MROH2B: variants seen among roughly 807,000 people sequenced by gnomAD.
The protein encoded by MROH2B is maestro heat-like repeat-containing protein family member 2B.
Under a neutral mutation model 208.6 loss-of-function variants are expected in MROH2B, and 177 were observed. The observed-to-expected ratio is 0.85, with a 90% CI of 0.75 to 0.96. MROH2B has a LOEUF of 0.96. Ranked by LOEUF, MROH2B falls within the 40% of genes least tolerant of loss-of-function variation. The probability of loss-of-function intolerance (pLI) is 0.00; values close to 1 mark genes in which losing one functional copy is unlikely to be tolerated. For synonymous variants in MROH2B, 728 were observed against 659.0 expected (o/e 1.10, Z -1.60); for missense variants, 2,002 against 1,878.7 (o/e 1.07, Z -1.21).
intron 37 of MROH2B, among the ~76,000 whole-genome samples, chr5:41,004,009 A>T (rs987608768): frequency 1.3e-5 from 2 of 152,220 alleles, no homozygotes; most frequent in African/African-American, 4.8e-5. Context: ...GATCTCTGTA[A>T]CAGCCAATCA....
At chr5:41,069,153 A>G (rs1743901594) in intron 2 of MROH2B, among the ~76,000 whole-genome samples, 1 of 152,194 alleles carries the variant, frequency 6.6e-6, no homozygotes, top group Non-Finnish European at 1.5e-5. Flanking sequence ...TAACTACCTG[A>G]TAAAATTGTT....
Position 41,017,907 on chromosome 5 carries a change from G to A in MROH2B, c.2827C>T (p.Leu943=). The A allele has an allele frequency of 6.3e-7, 1 of 1,587,620 alleles. No homozygotes were observed. Among genetic ancestry groups the A allele is most frequent in the Non-Finnish European group, 8.6e-7 (1 of 1,166,194 alleles). Residue 943 remains leucine, a synonymous_variant, in exon 28 of 42, where the codon CTG becomes TTG. Coordinates refer to ENST00000399564, the MANE Select transcript of MROH2B (RefSeq NM_173489.5). ...GCAGCCGCCTGACGGATGGTGGGCA[G>A]GGTATCACAGGAGTGAGGAGCCAGA... The part of the protein sequence containing the change: ...GLLAPHSCDT[L]PTIRQAAASS...
At chr5:41,015,321 T>G (rs1579912144) in intron 29 of MROH2B, 60 bp downstream of exon 29, 1 of 1,436,128 alleles carries the variant, frequency 7.0e-7, no homozygotes, top group East Asian at 2.3e-5. Flanking sequence ...AGTATGTAGC[T>G]TACTCATTTG....
At chr5:41,000,181 T>A in intron 39 of MROH2B, 39 bp downstream of exon 39, 1 of 1,611,986 alleles carries the variant, frequency 6.2e-7, no homozygotes, top group Non-Finnish European at 8.5e-7. Context: ...TAGACCCTTG[T>A]CCTGCCTTTT....
At chr5:40,998,761 G>T (rs915495596) in intron 40 of MROH2B, 84 bp from the exon 41 acceptor site, 33 of 1,099,542 alleles carry the variant, frequency 3.0e-5, no homozygotes, top group Non-Finnish European at 4.4e-5. Context: ...CTCTGCACCT[G>T]GTGAGAAGGT....
Position 41,042,102 on chromosome 5 carries a change from TC to T in MROH2B, c.1942del (p.Asp648IlefsTer6). On this transcript the variant is annotated frameshift_variant, in exon 19 of 42. Coordinates refer to ENST00000399564, the MANE Select transcript of MROH2B (RefSeq NM_173489.5). LOFTEE classifies it high-confidence loss of function. ...AGCAAGGGGTCCCACCTGTCTTTGA[TC>T]CCCCAGTTGGTTGGGAGCAGTCAGA... ...EFLTAPNQLG[D>X]QRQGITSILG... The T allele has an allele frequency of 6.3e-7, 1 of 1,582,220 alleles. No individual in the cohort carries two copies. The highest frequency in any genetic ancestry group is 1.3e-5 in the African/African-American group (1 of 74,406).
At chr5:41,036,164 T>C (rs1042213223) in intron 21 of MROH2B, among the ~76,000 whole-genome samples, 1 of 151,906 alleles carries the variant, frequency 6.6e-6, no homozygotes, top group Non-Finnish European at 1.5e-5. Context: ...CCCACATTTA[T>C]ACATAGATAT....
At chr5:41,054,199 C>T (rs544865974) in intron 11 of MROH2B, among the ~76,000 whole-genome samples, 5 of 152,120 alleles carry the variant, frequency 3.3e-5, no homozygotes, top group Admixed American at 1.3e-4. Flanking sequence ...AGGCTGGTCT[C>T]GAAATCCTGA....
intron 37 of MROH2B, among the ~76,000 whole-genome samples, chr5:41,001,142 A>T (rs1013956346): frequency 6.6e-6 from 1 of 152,164 alleles, no homozygotes; most frequent in Non-Finnish European, 1.5e-5. Context: ...ACACAGGGGT[A>T]CTCATAGAGA....
intron 21 of MROH2B, 95 bp from the exon 22 acceptor site, chr5:41,033,959 C>A: frequency 1.3e-6 from 2 of 1,521,554 alleles, no homozygotes; most frequent in African/African-American, 1.4e-5. Context: ...ACCTGAAGGA[C>A]AATAGTAAAG....
chr5:41,027,558 T>C (rs1246752365), intron 24 of MROH2B, among the ~76,000 whole-genome samples: 1 of 152,104 alleles, frequency 6.6e-6, no homozygotes, highest in Non-Finnish European at 1.5e-5. Context: ...GGAGAGGATG[T>C]GGAGAAATAG....
intron 37 of MROH2B, among the ~76,000 whole-genome samples, chr5:41,002,427 C>G (rs1008527546): frequency 2.6e-5 from 4 of 152,168 alleles, no homozygotes; most frequent in African/African-American, 9.7e-5. Flanking sequence ...GCCACATTTT[C>G]TGTTCTACCA....
chr5:41,018,770 G>C lies in MROH2B; in HGVS notation c.2594C>G (p.Ser865Cys), dbSNP rs1742043863. 1 of 1,613,850 alleles carries C rather than the reference G, an allele frequency of 6.2e-7. No homozygotes were observed. The highest frequency in any genetic ancestry group is 8.5e-7 in the Non-Finnish European group (1 of 1,179,838). ...CAGAAGTTTTCCTAGGGCGTCCATG[G>C]ATCGTTCATAGAGAAACTGAAATCA... The part of the protein sequence containing the change: ...KEHIQFLYER[S>C]MDALGKLLKT... Residue 865 changes from serine to cysteine, a missense_variant, in exon 26 of 42, where the codon TCC becomes TGC. Transcript: ENST00000399564.
chr5:41,019,796 G>A (rs934959920), intron 24 of MROH2B, among the ~76,000 whole-genome samples: 2 of 152,120 alleles, frequency 1.3e-5, no homozygotes, highest in African/African-American at 4.8e-5. Flanking sequence ...TAGTCTTCTT[G>A]TCTTTATTGT....
At chr5:41,005,412 A>ACC (rs1554046592) in intron 35 of MROH2B, 119 bp downstream of exon 35, 230 of 191,666 alleles carry the variant, frequency 1.2e-3, no homozygotes, top group African/African-American at 2.3e-3. Context: ...TCCTCTATGA[A>ACC]ACCCCCCCCC....
At chr5:41,064,840 G>T (rs1743753047) in intron 4 of MROH2B, among the ~76,000 whole-genome samples, 3 of 152,184 alleles carry the variant, frequency 2.0e-5, no homozygotes, top group Admixed American at 1.3e-4. Context: ...TTGGAAGGCA[G>T]CTATGCTCAC....
intron 16 of MROH2B, 56 bp downstream of exon 16, chr5:41,048,268 A>C: frequency 6.5e-7 from 1 of 1,529,548 alleles, no homozygotes; most frequent in African/African-American, 1.4e-5. Flanking sequence ...GAAACGGTGC[A>C]TTATTTCTTT....
Position 41,033,099 on chromosome 5 carries a change from T to C in MROH2B, c.2303A>G (p.Asp768Gly), listed in dbSNP as rs545847127. 25 of 1,613,144 alleles carry C rather than the reference T, an allele frequency of 1.5e-5. No homozygotes were observed. The South Asian group carries it at 2.7e-4, about 18-fold the overall frequency. Residue 768 changes from aspartate (D) to glycine (G), a missense_variant, in exon 23 of 42, where the codon GAT becomes GGT. Coordinates refer to ENST00000399564, the MANE Select transcript of MROH2B (RefSeq NM_173489.5). ...SITEIGIAVQ[D>G]AEDQGFQFSY... is the part of the protein sequence containing the mutation. The stretch of plus-strand genomic sequence containing the variant: ...AAACTGGAACCCCTGATCCTCAGCA[T>C]CTTGGACAGCAATGCCAATCTCAGT...
At chr5:41,066,658 ACTT>A (rs1743822994) in intron 3 of MROH2B, among the ~76,000 whole-genome samples, 1 of 152,254 alleles carries the variant, frequency 6.6e-6, no homozygotes, top group Non-Finnish European at 1.5e-5. Context: ...AACAAGTAAT[ACTT>A]CTTTCTGGAA....
Sources: allele counts gnomAD v4.1 joint callset (sites outside exome capture counted in the v4.1 genomes callset), GRCh38; gene constraint gnomAD v4.1.1; transcripts MANE v1.5; gene names NCBI Gene and HGNC (gene_info 2026-07-23, HGNC 2026-07-21).